Variants in MTUS2 observed in about 807,000 individuals in gnomAD.
The protein encoded by MTUS2 is microtubule-associated tumor suppressor candidate 2.
Under a neutral mutation model 114.1 loss-of-function variants are expected in MTUS2, and 40 were observed. That is an observed-to-expected ratio of 0.35 (90% CI 0.27 to 0.46). The LOEUF is 0.46. Ranked by LOEUF, MTUS2 falls within the 20% of genes least tolerant of loss-of-function variation. The probability of loss-of-function intolerance (pLI) is 1.00; values close to 1 mark genes in which losing one functional copy is unlikely to be tolerated. For missense variants in MTUS2, 1,679 were observed against 1,705.4 expected, an observed-to-expected ratio of 0.98 and a Z score of 0.27; for synonymous variants, 688 against 672.0, an observed-to-expected ratio of 1.02 and a Z score of -0.37.
At chr13:29,134,254 T>C (rs1404680542) in intron 5 of MTUS2, among the ~76,000 whole-genome samples, 2 of 152,332 alleles carry the variant, frequency 1.3e-5, no homozygotes, top group East Asian at 3.9e-4. Flanking sequence ...AGAAAATTTG[T>C]AATCTGTCTT....
chr13:29,050,619 CA>C (rs980548251), intron 4 of MTUS2, among the ~76,000 whole-genome samples: 3 of 152,230 alleles, frequency 2.0e-5, no homozygotes, highest in African/African-American at 7.2e-5. Context: ...CCAGCTTCAC[CA>C]CCAGTGAACA....
chr13:29,338,004 G>A (rs1901170435), intron 7 of MTUS2, among the ~76,000 whole-genome samples: 1 of 149,584 alleles, frequency 6.7e-6, no homozygotes, highest in Non-Finnish European at 1.5e-5. Flanking sequence ...TGGTTGGCCA[G>A]GATGGTCTCG....
At chr13:29,453,480 G>A (rs1367290201) in intron 9 of MTUS2, among the ~76,000 whole-genome samples, 1 of 152,212 alleles carries the variant, frequency 6.6e-6, no homozygotes, top group African/African-American at 2.4e-5. Context: ...AAATGCCTGT[G>A]TATTGGAGAG....
intron 8 of MTUS2, among the ~76,000 whole-genome samples, chr13:29,430,730 G>A (rs1455632095): frequency 1.3e-5 from 2 of 152,156 alleles, no homozygotes; most frequent in African/African-American, 4.8e-5. Flanking sequence ...TAACTTCACA[G>A]GCAGTATGCC....
chr13:29,439,179 G>C (rs1296450456), intron 8 of MTUS2, among the ~76,000 whole-genome samples: 2 of 152,148 alleles, frequency 1.3e-5, no homozygotes, highest in African/African-American at 2.4e-5. Flanking sequence ...AACTTGAAGA[G>C]AATTTATATA....
chr13:29,186,397 A>G (rs991473215), intron 5 of MTUS2, among the ~76,000 whole-genome samples: 6 of 152,230 alleles, frequency 3.9e-5, no homozygotes, highest in Middle Eastern at 3.2e-3. Context: ...ATGTATACAC[A>G]AATAGGTAAA....
chr13:29,277,177 C>T (rs568990472), intron 5 of MTUS2, among the ~76,000 whole-genome samples: 3 of 152,250 alleles, frequency 2.0e-5, no homozygotes, highest in Admixed American at 2.0e-4. Flanking sequence ...TAGTGCTGCC[C>T]CTCTTTGGAG....
intron 8 of MTUS2, among the ~76,000 whole-genome samples, chr13:29,439,039 A>T (rs1877632154): frequency 1.3e-5 from 2 of 152,294 alleles, no homozygotes; most frequent in South Asian, 4.1e-4. Flanking sequence ...CAAGGCCCCG[A>T]TGATACTCAT....
At chr13:29,258,759 T>C (rs1897363768) in intron 5 of MTUS2, among the ~76,000 whole-genome samples, 1 of 152,180 alleles carries the variant, frequency 6.6e-6, no homozygotes, top group Non-Finnish European at 1.5e-5. Context: ...TCTCTTCTGC[T>C]TAAGCCTGAG....
intron 7 of MTUS2, among the ~76,000 whole-genome samples, chr13:29,334,772 G>T (rs376621853): frequency 6.6e-6 from 1 of 152,130 alleles, no homozygotes; most frequent in Non-Finnish European, 1.5e-5. Context: ...CAGGGACCCC[G>T]AACGGAGGGA....
At chr13:28,893,012 G>C (rs1453572749) in intron 2 of MTUS2, among the ~76,000 whole-genome samples, 1 of 152,202 alleles carries the variant, frequency 6.6e-6, no homozygotes, top group Non-Finnish European at 1.5e-5. Context: ...AACAGCAGAA[G>C]CAAATGTCTG....
chr13:28,849,208 A>G (rs973637473), intron 2 of MTUS2, among the ~76,000 whole-genome samples: 3 of 152,222 alleles, frequency 2.0e-5, no homozygotes, highest in Admixed American at 6.5e-5. Flanking sequence ...TTGTTTTCCA[A>G]ACACTCCTCT....
At chr13:29,251,374 A>G (rs867895862) in intron 5 of MTUS2, among the ~76,000 whole-genome samples, 3 of 152,186 alleles carry the variant, frequency 2.0e-5, no homozygotes, top group Middle Eastern at 3.4e-3. Context: ...TAAAACTTAC[A>G]TTTTGACCAT....
At chr13:29,330,859 C>G (rs1348014706) in intron 7 of MTUS2, among the ~76,000 whole-genome samples, 1 of 152,148 alleles carries the variant, frequency 6.6e-6, no homozygotes, top group Non-Finnish European at 1.5e-5. Context: ...TGTTTGAAGT[C>G]AGGTAGCGTG....
intron 5 of MTUS2, among the ~76,000 whole-genome samples, chr13:29,129,572 A>C (rs1486803223): frequency 1.9e-5 from 1 of 53,218 alleles, no homozygotes; most frequent in African/African-American, 5.5e-5. Flanking sequence ...AGTTTTTTTT[A>C]TTGATATATT....
intron 5 of MTUS2, among the ~76,000 whole-genome samples, chr13:29,256,176 T>C (rs1397160593): frequency 6.6e-6 from 1 of 152,150 alleles, no homozygotes; most frequent in Non-Finnish European, 1.5e-5. Context: ...AAAGAACTTG[T>C]TAGGAATCCC....
chr13:29,015,949 G>T (rs1024369346), intron 2 of MTUS2, among the ~76,000 whole-genome samples: 1 of 151,882 alleles, frequency 6.6e-6, no homozygotes, highest in East Asian at 1.9e-4. Context: ...CTGTCTCCCA[G>T]GCTGGAGTGC....
intron 8 of MTUS2, among the ~76,000 whole-genome samples, chr13:29,416,370 T>C (rs1420877592): frequency 2.0e-5 from 3 of 151,798 alleles, no homozygotes; most frequent in African/African-American, 7.3e-5. Context: ...ATATAGCATT[T>C]GTACATTAGT....
intron 8 of MTUS2, among the ~76,000 whole-genome samples, chr13:29,386,781 T>C (rs957616792): frequency 6.6e-6 from 1 of 152,186 alleles, no homozygotes; most frequent in African/African-American, 2.4e-5. Flanking sequence ...ACATTCTAAA[T>C]AGCAGAGATT....
Sources: allele counts gnomAD v4.1 joint callset (sites outside exome capture counted in the v4.1 genomes callset), GRCh38; gene constraint gnomAD v4.1.1; transcripts MANE v1.5; gene names NCBI Gene and HGNC (gene_info 2026-07-23, HGNC 2026-07-21).